Variants in GABRB1 observed in about 807,000 individuals in gnomAD.
GABRB1 encodes gamma-aminobutyric acid type A receptor subunit beta1.
GABRB1 carries 17 observed loss-of-function variants against 51.6 expected under a neutral mutation model. The observed-to-expected ratio is 0.33, with a 90% confidence interval of 0.23 to 0.49. The LOEUF (loss-of-function observed/expected upper bound fraction) is 0.49. Among genes scored for constraint, GABRB1 ranks in the 20% least tolerant of loss-of-function variants. The probability of loss-of-function intolerance (pLI) is 0.99; values close to 1 mark genes in which losing one functional copy is unlikely to be tolerated. For missense variants in GABRB1, 410 were observed against 600.6 expected, an observed-to-expected ratio of 0.68 and a Z score of 3.32; for synonymous variants, 247 against 218.9, an observed-to-expected ratio of 1.13 and a Z score of -1.14.
At chr4:47,384,992 G>A (rs996032673) in intron 5 of GABRB1, among the ~76,000 whole-genome samples, 4 of 152,174 alleles carry the variant, frequency 2.6e-5, no homozygotes, top group African/African-American at 9.7e-5. Flanking sequence ...TGCACATGGG[G>A]TTAATTCCTT....
At chr4:47,314,400 C>A (rs1212966250) in intron 4 of GABRB1, among the ~76,000 whole-genome samples, 3 of 151,952 alleles carry the variant, frequency 2.0e-5, no homozygotes, top group Admixed American at 6.6e-5. Flanking sequence ...TTTGTAAAAG[C>A]TATTGTAATT....
At chr4:47,036,449 C>A (rs1725570632) in intron 3 of GABRB1, among the ~76,000 whole-genome samples, 1 of 152,126 alleles carries the variant, frequency 6.6e-6, no homozygotes, top group Non-Finnish European at 1.5e-5. Context: ...AATGCAAATT[C>A]CAAATCAGAG....
intron 8 of GABRB1, 131 bp from the exon 9 acceptor site, chr4:47,425,543 G>C: frequency 1.5e-6 from 1 of 655,642 alleles, no homozygotes; most frequent in Non-Finnish European, 2.7e-6. Context: ...TCCACATCAG[G>C]GAGGCACATC....
intron 3 of GABRB1, among the ~76,000 whole-genome samples, chr4:47,119,520 T>C (rs1186893021): frequency 6.6e-6 from 1 of 151,396 alleles, no homozygotes; most frequent in African/African-American, 2.4e-5. Context: ...CTTTTTTTTT[T>C]TTTTTGAGAC....
chr4:47,294,068 T>C (rs1036838548), intron 4 of GABRB1, among the ~76,000 whole-genome samples: 7 of 152,150 alleles, frequency 4.6e-5, no homozygotes, highest in Admixed American at 1.3e-4. Context: ...AAAAGCATGC[T>C]TAGTAATCAA....
intron 5 of GABRB1, among the ~76,000 whole-genome samples, chr4:47,368,965 G>A (rs1455009225): frequency 6.6e-6 from 1 of 151,988 alleles, no homozygotes; most frequent in Non-Finnish European, 1.5e-5. Flanking sequence ...AAAATTAGCT[G>A]AGCATGGTGG....
chr4:47,059,425 C>A (rs79490579), intron 3 of GABRB1, among the ~76,000 whole-genome samples: 1 of 152,256 alleles, frequency 6.6e-6, no homozygotes, highest in Admixed American at 6.5e-5. Flanking sequence ...TTCCATTTCA[C>A]CCTACTGAGT....
At position 47,356,802 on chromosome 4, in the gene GABRB1, A is replaced by T. The variant is rs1726596151; in HGVS notation, c.544+36593A>T. ...ATTTATTTGTTGTTGCTCTGTGTAT[A>T]AAAATCTGATAAAATCAGATTTTAA... On this transcript the variant is annotated intron_variant, in intron 5 of 8. Transcript: ENST00000295454. Among the ~76,000 whole-genome samples, 3 of 152,334 alleles carry T rather than the reference A, an allele frequency of 2.0e-5. No homozygotes were observed. The South Asian group carries it at 6.2e-4, about 32-fold the overall frequency.
At chr4:47,160,831 G>C (rs1455376868) in intron 3 of GABRB1, among the ~76,000 whole-genome samples, 1 of 151,650 alleles carries the variant, frequency 6.6e-6, no homozygotes, top group Non-Finnish European at 1.5e-5. Flanking sequence ...CCATCACCCA[G>C]GCTGGAGTAC....
intron 1 of GABRB1, among the ~76,000 whole-genome samples, chr4:47,019,663 CTTTCTTTCT>C (rs1297922931): frequency 2.9e-5 from 4 of 135,686 alleles, no homozygotes; most frequent in African/African-American, 8.4e-5. Flanking sequence ...TTCTTTCTTT[CTTTCTTTCT>C]TTCTTTCCTT....
intron 3 of GABRB1, among the ~76,000 whole-genome samples, chr4:47,150,379 C>CAG (rs71195609): frequency 5.7e-5 from 5 of 87,552 alleles, no homozygotes; most frequent in African/African-American, 1.8e-4. Context: ...TACACACACA[C>CAG]AGAGAGAGAG....
chr4:46,997,005 A>G (rs1430205562), intron 1 of GABRB1, among the ~76,000 whole-genome samples: 2 of 152,124 alleles, frequency 1.3e-5, no homozygotes, highest in Non-Finnish European at 2.9e-5. Context: ...TTTAGAAGCT[A>G]TTGACAATTT....
intron 4 of GABRB1, among the ~76,000 whole-genome samples, chr4:47,213,536 T>C (rs2351298): frequency 0.99 from 149,360 of 151,610 alleles, 73,598 homozygotes; most frequent in East Asian, 1. Flanking sequence ...TTTTTTTCTC[T>C]CTCTCAATTT....
intron 4 of GABRB1, among the ~76,000 whole-genome samples, chr4:47,308,892 T>C (rs1257918065): frequency 1.3e-5 from 2 of 152,134 alleles, no homozygotes; most frequent in East Asian, 1.9e-4. Context: ...ATACCACACT[T>C]GTTCTTAGCC....
intron 4 of GABRB1, among the ~76,000 whole-genome samples, chr4:47,264,701 A>G (rs896068822): frequency 2.0e-5 from 3 of 152,250 alleles, no homozygotes; most frequent in Admixed American, 6.5e-5. Context: ...GTAGAATTAC[A>G]TGAATTTTCA....
chr4:47,165,497 G>T (rs1001856706), intron 4 of GABRB1, among the ~76,000 whole-genome samples: 2 of 151,978 alleles, frequency 1.3e-5, no homozygotes, highest in African/African-American at 2.4e-5. Context: ...ACAATCACTG[G>T]TTCTCAATCT....
At chr4:47,382,319 A>C (rs567198150) in intron 5 of GABRB1, among the ~76,000 whole-genome samples, 1 of 152,308 alleles carries the variant, frequency 6.6e-6, no homozygotes, top group South Asian at 2.1e-4. Context: ...ACTAAGTACC[A>C]GTAGCACTCC....
At chr4:47,370,848 G>C (rs1727163754) in intron 5 of GABRB1, among the ~76,000 whole-genome samples, 1 of 152,140 alleles carries the variant, frequency 6.6e-6, no homozygotes. Context: ...GAGGTCTCAG[G>C]TATTCACCTA....
chr4:47,370,600 C>T (rs1727154212), intron 5 of GABRB1, among the ~76,000 whole-genome samples: 1 of 152,088 alleles, frequency 6.6e-6, no homozygotes, highest in Non-Finnish European at 1.5e-5. Context: ...GATGAAAAAA[C>T]TTTACAATAC....
Sources: allele counts gnomAD v4.1 joint callset (sites outside exome capture counted in the v4.1 genomes callset), GRCh38; gene constraint gnomAD v4.1.1; transcripts MANE v1.5; gene names NCBI Gene and HGNC (gene_info 2026-07-23, HGNC 2026-07-21).